Variants in LRRTM4 observed in about 807,000 individuals in gnomAD.
The protein encoded by LRRTM4 is leucine rich repeat transmembrane neuronal 4, also known as leucine-rich repeat transmembrane neuronal protein 4.
LRRTM4 carries 25 observed loss-of-function variants against 47.6 expected under a neutral mutation model. The ratio of observed to expected loss-of-function variants is 0.53; its 90% CI spans 0.38 to 0.73. The LOEUF (loss-of-function observed/expected upper bound fraction) is 0.73, where lower values mean the gene tolerates loss of function less well. Among genes scored for constraint, LRRTM4 ranks in the 30% least tolerant of loss-of-function variants. LRRTM4 has a pLI of 0.00. For missense variants in LRRTM4, 638 were observed against 713.4 expected (o/e 0.89, Z 1.20); for synonymous variants, 311 against 269.5 (o/e 1.15, Z -1.51).
At chr2:77,025,917 C>T (rs978814302) in intron 3 of LRRTM4, among the ~76,000 whole-genome samples, 3 of 152,128 alleles carry the variant, frequency 2.0e-5, no homozygotes, top group African/African-American at 7.2e-5. Context: ...ATGACCGCTC[C>T]TCAAAAATAT....
chr2:76,833,145 T>G (rs1405824187), intron 3 of LRRTM4, among the ~76,000 whole-genome samples: 1 of 152,096 alleles, frequency 6.6e-6, no homozygotes, highest in Admixed American at 6.6e-5. Flanking sequence ...GAAATACAGG[T>G]TTGGGAGTTA....
rs10527679 is a variant in LRRTM4 at position 77,285,340 on chromosome 2, TTATATATATA to T, written c.1551+232968_1551+232977del. Reference sequence around the variant, plus strand: ...AAATTAATTCTACTCAGCATTAAATTTATATATATATATATATATATATGGCCAATAGAAA... The same window carrying T: ...AAATTAATTCTACTCAGCATTAAATTTATATATATATATGGCCAATAGAAA... On this transcript the variant is annotated intron_variant, in intron 3 of 3. Coordinates refer to ENST00000409884, the MANE Select transcript of LRRTM4 (RefSeq NM_001134745.3). Among the ~76,000 whole-genome samples the T allele has an allele frequency of 1.2e-4, 10 of 82,590 alleles. 1 individual carries two copies. The highest frequency in any genetic ancestry group is 1.6e-4 in the Non-Finnish European group (7 of 42,466). 54.2% of individuals were successfully genotyped at this position (82,590 alleles called of 152,430 possible). A position where few individuals can be genotyped will look rare whatever the true frequency, so the allele number is the denominator to read the frequency against.
chr2:77,421,707 A>C (rs1356456876), intron 3 of LRRTM4, among the ~76,000 whole-genome samples: 2 of 135,300 alleles, frequency 1.5e-5, no homozygotes, highest in Non-Finnish European at 3.0e-5. Context: ...ACTCCATCTC[A>C]AAAAAAAAAA....
intron 1 of LRRTM4, 78 bp downstream of exon 1, chr2:77,522,031 C>A: frequency 1.4e-6 from 1 of 707,320 alleles, no homozygotes. Flanking sequence ...GCAATCTGTG[C>A]AAAAGAGCTA....
chr2:76,814,605 A>G lies in LRRTM4; in HGVS notation c.1552-65689T>C, dbSNP rs1316495078. Among the ~76,000 whole-genome samples the G allele has an allele frequency of 5.3e-5, 8 of 152,250 alleles. No individual in the cohort carries two copies. The South Asian group carries it at 1.2e-3, about 24-fold the overall frequency. On this transcript the variant is annotated intron_variant, in intron 3 of 3. Transcript: ENST00000409884. ...TAGAATTCATGTTGTATTAGGTATT[A>G]TAAGTAATTGGAGATTATTTGAAGT...
At chr2:77,215,690 G>A (rs1674416515) in intron 3 of LRRTM4, among the ~76,000 whole-genome samples, 1 of 152,032 alleles carries the variant, frequency 6.6e-6, no homozygotes. Context: ...CATCATAGTA[G>A]GGACGTGCTT....
chr2:77,280,026 A>G (rs1190499722), intron 3 of LRRTM4, among the ~76,000 whole-genome samples: 1 of 152,064 alleles, frequency 6.6e-6, no homozygotes, highest in East Asian at 1.9e-4. Flanking sequence ...TCTGCATGGC[A>G]AAGGATAATT....
rs375925772 is a variant in LRRTM4 at position 77,346,322 on chromosome 2, A to T, written c.1551+171996T>A. Among the ~76,000 whole-genome samples the T allele has an allele frequency of 4.9e-4, 74 of 152,308 alleles. 1 individual carries two copies. In the South Asian group the frequency reaches 0.015, roughly 31 times the overall value. ...CAAATAAAAAAGGGGAAAATTCACA[A>T]TAAGATAATTCATAGAAAACTAAAT... On this transcript the variant is annotated intron_variant, in intron 3 of 3. Coordinates refer to ENST00000409884, the MANE Select transcript of LRRTM4 (RefSeq NM_001134745.3).
intron 3 of LRRTM4, among the ~76,000 whole-genome samples, chr2:76,779,626 C>T (rs989094614): frequency 6.6e-6 from 1 of 151,128 alleles, no homozygotes; most frequent in Non-Finnish European, 1.5e-5. Flanking sequence ...AGATCTTCCT[C>T]CATCCTTTTA....
intron 3 of LRRTM4, among the ~76,000 whole-genome samples, chr2:77,003,259 A>G (rs1274029633): frequency 2.0e-5 from 3 of 151,310 alleles, no homozygotes; most frequent in African/African-American, 2.4e-5. Context: ...TATAGATTCT[A>G]TTTTACTTTT....
intron 3 of LRRTM4, among the ~76,000 whole-genome samples, chr2:77,264,446 G>A (rs1300096017): frequency 6.6e-6 from 1 of 152,016 alleles, no homozygotes; most frequent in African/African-American, 2.4e-5. Context: ...TAACCTCAGT[G>A]ACTTCTTTAG....
At chr2:77,328,337 G>C (rs1027275088) in intron 3 of LRRTM4, among the ~76,000 whole-genome samples, 3 of 152,154 alleles carry the variant, frequency 2.0e-5, no homozygotes, top group Non-Finnish European at 4.4e-5. Context: ...AACCTTGCCA[G>C]CTTTGGATGT....
chr2:77,238,376 C>A (rs1348868038), intron 3 of LRRTM4, among the ~76,000 whole-genome samples: 1 of 151,912 alleles, frequency 6.6e-6, no homozygotes, highest in Non-Finnish European at 1.5e-5. Context: ...TAAAAGAACA[C>A]CAAAAAATCA....
chr2:76,996,457 A>T lies in LRRTM4; in HGVS notation c.1552-247541T>A, dbSNP rs114472588. ...CTTATTTCAGAGGTAAAATAAAATT[A>T]AGCGAGGTTACTTCTTTGAAAATTA... On this transcript the variant is annotated intron_variant, in intron 3 of 3. Coordinates refer to ENST00000409884, the MANE Select transcript of LRRTM4 (RefSeq NM_001134745.3). Among the ~76,000 whole-genome samples the T allele has an allele frequency of 6.0e-3, 911 of 152,254 alleles. 15 individuals carry two copies. Among genetic ancestry groups the T allele is most frequent in the African/African-American group, 0.021 (874 of 41,578 alleles).
At chr2:77,077,653 C>T (rs921704773) in intron 3 of LRRTM4, among the ~76,000 whole-genome samples, 1 of 152,088 alleles carries the variant, frequency 6.6e-6, no homozygotes, top group Admixed American at 6.6e-5. Context: ...TCCACAAAGA[C>T]ATCTAGCATT....
chr2:77,193,959 T>G (rs1380094841), intron 3 of LRRTM4, among the ~76,000 whole-genome samples: 2 of 152,142 alleles, frequency 1.3e-5, no homozygotes, highest in Non-Finnish European at 2.9e-5. Flanking sequence ...ACGGGTTAAT[T>G]TACTTCTCTT....
intron 3 of LRRTM4, among the ~76,000 whole-genome samples, chr2:77,256,739 CA>C (rs1675779532): frequency 6.6e-6 from 1 of 151,956 alleles, no homozygotes. Flanking sequence ...ATGTCTTTAT[CA>C]GCAGAATGAA....
intron 3 of LRRTM4, among the ~76,000 whole-genome samples, chr2:77,297,164 T>G (rs1239737915): frequency 1.3e-5 from 2 of 152,182 alleles, no homozygotes; most frequent in Non-Finnish European, 2.9e-5. Flanking sequence ...TTCCGTTTTG[T>G]CTTTTGCATT....
At chr2:77,076,766 C>T (rs891876630) in intron 3 of LRRTM4, among the ~76,000 whole-genome samples, 1 of 152,094 alleles carries the variant, frequency 6.6e-6, no homozygotes. Flanking sequence ...TTTGAGATAA[C>T]ATTTCATTGT....
Sources: allele counts gnomAD v4.1 joint callset (sites outside exome capture counted in the v4.1 genomes callset), GRCh38; gene constraint gnomAD v4.1.1; transcripts MANE v1.5; gene names NCBI Gene and HGNC (gene_info 2026-07-23, HGNC 2026-07-21).